TULP3: variants seen among roughly 807,000 people sequenced by gnomAD.
The protein encoded by TULP3 is TUB like protein 3, also known as tubby-related protein 3.
TULP3 carries 38 observed loss-of-function variants against 50.7 expected under a neutral mutation model. The ratio of observed to expected loss-of-function variants is 0.75; its 90% CI spans 0.58 to 0.98. The LOEUF (loss-of-function observed/expected upper bound fraction) is 0.98. Ranked by LOEUF, TULP3 falls within the 50% of genes least tolerant of loss-of-function variation. The pLI is 0.00. For missense variants in TULP3, 550 were observed against 568.0 expected (o/e 0.97, Z 0.32); for synonymous variants, 183 against 196.6 (o/e 0.93, Z 0.58).
At chr12:2,899,344 T>TTAAA (rs2098177459) in intron 1 of TULP3, among the ~76,000 whole-genome samples, 1 of 31,494 alleles carries the variant, frequency 3.2e-5, no homozygotes, top group Non-Finnish European at 5.1e-5. Context: ...AAACGACGTC[T>TTAAA]CAAAAAAAAA....
At chr12:2,930,988 A>G in intron 5 of TULP3, 49 bp from the exon 6 acceptor site, 5 of 1,600,708 alleles carry the variant, frequency 3.1e-6, no homozygotes, top group Non-Finnish European at 4.3e-6. Context: ...AAAGAGAATC[A>G]GATTTTGAGT....
intron 1 of TULP3, among the ~76,000 whole-genome samples, chr12:2,891,300 G>A (rs888791852): frequency 4.6e-5 from 7 of 152,292 alleles, no homozygotes; most frequent in Non-Finnish European, 8.8e-5. Flanking sequence ...GTTTCCCTCG[G>A]GGGAGAGGCG....
intron 5 of TULP3, among the ~76,000 whole-genome samples, chr12:2,930,639 G>C (rs922153066): frequency 1.3e-5 from 2 of 152,016 alleles, no homozygotes; most frequent in African/African-American, 4.8e-5. Flanking sequence ...TTGCCAGGAT[G>C]GTCTCGATCT....
chr12:2,919,496 T>G (rs919540870), intron 2 of TULP3, among the ~76,000 whole-genome samples: 1 of 152,116 alleles, frequency 6.6e-6, no homozygotes, highest in Admixed American at 6.6e-5. Flanking sequence ...CCCCTTGGAG[T>G]GACTCTTCTT....
At chr12:2,920,720 G>A (rs2098191175) in intron 2 of TULP3, 43 bp from the exon 3 acceptor site, 1 of 1,610,672 alleles carries the variant, frequency 6.2e-7, no homozygotes, top group Non-Finnish European at 8.5e-7. Flanking sequence ...GTTAGGTCAT[G>A]TCAAAACTCT....
At chr12:2,930,789 A>G (rs1565507208) in intron 5 of TULP3, 1 of 576,254 alleles carries the variant, frequency 1.7e-6, no homozygotes, top group Non-Finnish European at 3.1e-6. Context: ...TGTAAGCTCA[A>G]ATTTAGTTTA....
At chr12:2,899,237 C>T (rs1199600407) in intron 1 of TULP3, among the ~76,000 whole-genome samples, 3 of 147,344 alleles carry the variant, frequency 2.0e-5, no homozygotes, top group African/African-American at 2.5e-5. Flanking sequence ...CCCAGCTACT[C>T]GGGAGGCTGA....
At chr12:2,897,352 G>C (rs543502143) in intron 1 of TULP3, among the ~76,000 whole-genome samples, 2 of 152,058 alleles carry the variant, frequency 1.3e-5, no homozygotes, top group African/African-American at 4.8e-5. Flanking sequence ...GAAATTTCTG[G>C]GTTTCCAACA....
rs566362136 is a variant in TULP3, at chr12:2,939,182, G to C, written c.1196-129G>C. The C allele has an allele frequency of 7.0e-5, 71 of 1,015,140 alleles. No homozygotes were observed. Among genetic ancestry groups the C allele is most frequent in the Middle Eastern group, 3.0e-4 (1 of 3,304 alleles). 62.9% of individuals were successfully genotyped at this position (1,015,140 alleles called of 1,614,324 possible). On this transcript the variant is annotated intron_variant, in intron 10 of 10. Transcript: ENST00000448120. This position sits in a 1 kb window ranked among gnomAD's most constrained non-coding sequence, Gnocchi z 4.0. ...GGAGGTCAAGGCTGCAGTGAGCTGT[G>C]GTCATTCCACTAGGCTCCAGCCAGG...
Position 2,937,849 on chromosome 12 carries a change from T to G in TULP3, c.1023+120T>G, listed in dbSNP as rs1053197088. The G allele has an allele frequency of 3.1e-5, 28 of 917,028 alleles. No homozygotes were observed. In the African/African-American group the frequency reaches 4.8e-4, roughly 16 times the overall value. The allele number at this position is 917,028 out of a possible 1,614,324, so 56.8% of individuals were successfully genotyped here. On this transcript the variant is annotated intron_variant, in intron 9 of 10. Transcript: ENST00000448120. ...TCCAGAGCCCCACACTGGAGATAGC[T>G]CCATACACTTCTTTAGGAAAGCTGC...
At chr12:2,891,127 G>A (rs1385595217) in intron 1 of TULP3, 139 bp downstream of exon 1, 6 of 1,031,264 alleles carry the variant, frequency 5.8e-6, no homozygotes, top group East Asian at 3.2e-5. Context: ...GGTTTCGGCG[G>A]CGGGAGGCGA....
chr12:2,893,331 T>G (rs1351236051), intron 1 of TULP3, among the ~76,000 whole-genome samples: 5 of 150,188 alleles, frequency 3.3e-5, no homozygotes, highest in Non-Finnish European at 7.4e-5. Flanking sequence ...TAATGTGTTT[T>G]TTTTTTTTTT....
intron 1 of TULP3, among the ~76,000 whole-genome samples, chr12:2,906,979 G>T (rs1044977798): frequency 1.1e-4 from 16 of 151,966 alleles, no homozygotes; most frequent in East Asian, 3.9e-4. Flanking sequence ...CATAACAGTG[G>T]ACTTTTTTCT....
intron 1 of TULP3, among the ~76,000 whole-genome samples, chr12:2,900,748 T>C (rs1332758939): frequency 6.6e-6 from 1 of 151,932 alleles, no homozygotes; most frequent in Non-Finnish European, 1.5e-5. Context: ...TTTGAGAGTG[T>C]CTTGCTCTCT....
intron 3 of TULP3, among the ~76,000 whole-genome samples, chr12:2,921,881 GAGACT>G (rs1436860960): frequency 2.6e-5 from 4 of 152,108 alleles, no homozygotes; most frequent in Non-Finnish European, 4.4e-5. Flanking sequence ...CCAGGTGTTT[GAGACT>G]AGCCTGGGCA....
chr12:2,900,876 C>CTT (rs57315328), intron 1 of TULP3, among the ~76,000 whole-genome samples: 13 of 127,296 alleles, frequency 1.0e-4, no homozygotes, highest in Non-Finnish European at 1.5e-4. Flanking sequence ...AGCCGAAATA[C>CTT]TTTTTTTTTT....
rs561229132 is a variant in TULP3 at position 2,926,725 on chromosome 12, A to G, written c.395-3523A>G. 2.7e-3 allele frequency among the ~76,000 whole-genome samples: 405 copies of G among 150,606 alleles called. 1 individual carries two copies. Among genetic ancestry groups the G allele is most frequent in the Non-Finnish European group, 3.3e-3 (223 of 67,694 alleles). On this transcript the variant is annotated intron_variant, in intron 4 of 10. Transcript: ENST00000448120. ...AGACCAGCCTGGCCAACGTGGTGAA[A>G]CTCCGTTTCCACTAAAAATTCAAAA... is the stretch of plus-strand genomic sequence containing the variant.
intron 8 of TULP3, 49 bp downstream of exon 8, chr12:2,934,610 TG>T: frequency 2.3e-6 from 3 of 1,324,780 alleles, no homozygotes; most frequent in Admixed American, 2.5e-5. Flanking sequence ...GGTGTCCTGC[TG>T]GCACTTTTCA....
At chr12:2,914,125 C>CTTTTTTTT (rs71057862) in intron 2 of TULP3, among the ~76,000 whole-genome samples, 1 of 130,686 alleles carries the variant, frequency 7.7e-6, no homozygotes, top group African/African-American at 2.9e-5. Flanking sequence ...ATAAATAATT[C>CTTTTTTTT]TTTTTTTTTT....
Sources: gnomAD v4.1 joint callset for allele counts (sites outside exome capture counted in the v4.1 genomes callset) on GRCh38, gnomAD v4.1.1 for gene constraint, Gnocchi (gnomAD v3.1) non-coding constraint, MANE v1.5 for transcripts, NCBI Gene and HGNC (gene_info 2026-07-23, HGNC 2026-07-21) for gene names.